OSBPL8: variants seen among roughly 807,000 people sequenced by gnomAD.
The protein encoded by OSBPL8 is oxysterol binding protein like 8.
In OSBPL8, 59 loss-of-function variants were observed where a neutral mutation model predicts 125.5. That is an observed-to-expected ratio of 0.47 (90% confidence interval 0.38 to 0.58). The LOEUF is 0.58. Among genes scored for constraint, OSBPL8 ranks in the 20% least tolerant of loss-of-function variants. The pLI is 0.00. For missense variants in OSBPL8, 758 were observed against 1,047.8 expected, an observed-to-expected ratio of 0.72 and a Z score of 3.82; for synonymous variants, 330 against 338.9, an observed-to-expected ratio of 0.97 and a Z score of 0.29.
intron 4 of OSBPL8, among the ~76,000 whole-genome samples, chr12:76,414,376 T>C (rs1868362648): frequency 6.6e-6 from 1 of 151,114 alleles, no homozygotes; most frequent in African/African-American, 2.4e-5. Flanking sequence ...TATTTATATA[T>C]ATATTTGGAT....
chr12:76,488,678 A>T (rs1193539641), intron 1 of OSBPL8, among the ~76,000 whole-genome samples: 2 of 152,160 alleles, frequency 1.3e-5, no homozygotes, highest in African/African-American at 4.8e-5. Flanking sequence ...TGAACTGATA[A>T]ATGTAGGAGG....
intron 4 of OSBPL8, among the ~76,000 whole-genome samples, chr12:76,423,967 A>G (rs1869827783): frequency 6.6e-6 from 1 of 152,126 alleles, no homozygotes; most frequent in Admixed American, 6.6e-5. Context: ...CTTACTAGAA[A>G]GAACACATGA....
intron 22 of OSBPL8, among the ~76,000 whole-genome samples, chr12:76,358,182 T>TC (rs1057208956): frequency 6.8e-6 from 1 of 146,860 alleles, no homozygotes; most frequent in African/African-American, 2.5e-5. Flanking sequence ...GTTCTTTTTT[T>TC]TTTTTTTTTT....
chr12:76,373,968 C>G (rs1952717330), intron 17 of OSBPL8, among the ~76,000 whole-genome samples: 2 of 152,048 alleles, frequency 1.3e-5, no homozygotes, highest in South Asian at 4.1e-4. Context: ...TTTTGATGCT[C>G]CAATGTCATA....
chr12:76,373,501 C>CA (rs894928475), intron 17 of OSBPL8, 68 bp from the exon 18 acceptor site: 15 of 1,156,870 alleles, frequency 1.3e-5, no homozygotes, highest in African/African-American at 4.7e-5. Context: ...AAAACCAAAA[C>CA]AAAAAACCCA....
chr12:76,354,023 G>A lies in OSBPL8; in HGVS notation c.*1866C>T, dbSNP rs949688271. 1.3e-5 allele frequency: 2 copies of A among 152,270 alleles called. No individual in the cohort carries two copies. Among genetic ancestry groups the A allele is most frequent in the African/African-American group, 4.8e-5 (2 of 41,404 alleles). The allele number at this position is 152,270 out of a possible 1,614,324, so 9.4% of individuals were successfully genotyped here. ...AAGGTTTACTGATGAAATGATTTTT[G>A]TGATAAGCCAATCAATTTGTATGTA... On this transcript the variant is annotated 3_prime_UTR_variant, in exon 24 of 24. Transcript: ENST00000261183.
At chr12:76,532,133 G>A in intron 1 of OSBPL8, among the ~76,000 whole-genome samples, 1 of 150,156 alleles carries the variant, frequency 6.7e-6, no homozygotes, top group South Asian at 2.1e-4. Flanking sequence ...TTTTTGTTGT[G>A]GACTGTATCT....
rs1490864239 is a variant in OSBPL8 at position 76,499,533 on chromosome 12, GC to G, written c.-67-11916del. ...TTACAGGCATGAACCAAAGTGCCCA[GC>G]CCAGTAAAAGCCTTTACTTCAATAT... is the stretch of plus-strand genomic sequence containing the variant. On this transcript the variant is annotated intron_variant, in intron 1 of 23. Transcript: ENST00000261183. 4.6e-5 allele frequency among the ~76,000 whole-genome samples: 7 copies of G among 152,090 alleles called. No individual in the cohort carries two copies. In the East Asian group the frequency reaches 1.4e-3, roughly 29 times the overall value.
At chr12:76,446,910 G>A (rs2136698449) in intron 4 of OSBPL8, among the ~76,000 whole-genome samples, 1 of 152,182 alleles carries the variant, frequency 6.6e-6, no homozygotes, top group East Asian at 1.9e-4. Flanking sequence ...ACCACTGGAA[G>A]TAGACTTCAC....
intron 4 of OSBPL8, among the ~76,000 whole-genome samples, chr12:76,446,498 A>T (rs1872733741): frequency 6.6e-6 from 1 of 152,178 alleles, no homozygotes; most frequent in South Asian, 2.1e-4. Flanking sequence ...ACCTAGGAAC[A>T]TTTAAGTGCA....
At chr12:76,503,425 A>C (rs1230898163) in intron 1 of OSBPL8, among the ~76,000 whole-genome samples, 4 of 152,230 alleles carry the variant, frequency 2.6e-5, no homozygotes, top group Admixed American at 2.0e-4. Flanking sequence ...ACCTCATTTT[A>C]ACTTAACTAT....
chr12:76,410,729 G>C (rs1954480703), intron 4 of OSBPL8, 95 bp from the exon 5 acceptor site: 1 of 822,178 alleles, frequency 1.2e-6, no homozygotes, highest in Non-Finnish European at 2.0e-6. Flanking sequence ...ATATAAATCA[G>C]TGCAGGAAGC....
At chr12:76,485,477 G>A (rs971150694) in intron 2 of OSBPL8, among the ~76,000 whole-genome samples, 1 of 152,110 alleles carries the variant, frequency 6.6e-6, no homozygotes, top group Non-Finnish European at 1.5e-5. Flanking sequence ...GGAGGCTGAG[G>A]TAGGAGAATT....
intron 16 of OSBPL8, among the ~76,000 whole-genome samples, chr12:76,376,037 GT>G (rs1253908464): frequency 2.0e-5 from 3 of 152,120 alleles, no homozygotes; most frequent in African/African-American, 7.2e-5. Flanking sequence ...ATAAAACAAG[GT>G]TATGTACTGA....
chr12:76,555,984 C>A (rs1204936686), intron 1 of OSBPL8, among the ~76,000 whole-genome samples: 1 of 152,160 alleles, frequency 6.6e-6, no homozygotes, highest in Non-Finnish European at 1.5e-5. Context: ...TATCTTCAGA[C>A]ACACAGCCCA....
chr12:76,468,277 T>C (rs1261818979), intron 2 of OSBPL8, among the ~76,000 whole-genome samples: 1 of 152,182 alleles, frequency 6.6e-6, no homozygotes, highest in African/African-American at 2.4e-5. Flanking sequence ...CACTGATAGT[T>C]AAAATATTTT....
At chr12:76,425,141 G>A (rs1021680979) in intron 4 of OSBPL8, among the ~76,000 whole-genome samples, 1 of 152,054 alleles carries the variant, frequency 6.6e-6, no homozygotes, top group Non-Finnish European at 1.5e-5. Flanking sequence ...AAATATGAAA[G>A]AAAACAAGTT....
intron 3 of OSBPL8, among the ~76,000 whole-genome samples, chr12:76,452,489 T>C (rs1444201915): frequency 1.3e-5 from 2 of 152,198 alleles, no homozygotes; most frequent in Non-Finnish European, 1.5e-5. Context: ...TTTTTGATTC[T>C]GCTCATCCTT....
At chr12:76,365,683 G>A (rs1264871912) in intron 21 of OSBPL8, among the ~76,000 whole-genome samples, 1 of 152,050 alleles carries the variant, frequency 6.6e-6, no homozygotes, top group Admixed American at 6.6e-5. Flanking sequence ...CTGATGTTAC[G>A]GGGAAGGTTT....
Sources: allele counts gnomAD v4.1 joint callset (sites outside exome capture counted in the v4.1 genomes callset), GRCh38; gene constraint gnomAD v4.1.1; transcripts MANE v1.5; gene names NCBI Gene and HGNC (gene_info 2026-07-23, HGNC 2026-07-21).